The following NAALADL2 variants were observed in gnomAD, a reference collection of about 807,000 sequenced individuals.
The protein encoded by NAALADL2 is N-acetylated alpha-linked acidic dipeptidase like 2.
Under a neutral mutation model 87.2 loss-of-function variants are expected in NAALADL2, and 76 were observed. The ratio of observed to expected loss-of-function variants is 0.87; its 90% CI spans 0.72 to 1.05. The LOEUF is 1.05. NAALADL2 is among the 50% of genes least tolerant of loss of function. The pLI is 0.00. For missense variants in NAALADL2, 1,089 were observed against 945.8 expected (o/e 1.15, Z -1.99); for synonymous variants, 354 against 331.0 (o/e 1.07, Z -0.75).
intron 1 of NAALADL2, among the ~76,000 whole-genome samples, chr3:174,508,117 T>TTTTTTTTTTTGTTTG (rs1465875532): frequency 2.8e-4 from 39 of 140,868 alleles, no homozygotes; most frequent in Non-Finnish European, 4.2e-4. Context: ...TCTAGTGGTT[T>TTTTTTTTTTTGTTTG]TTTTTTTTTT....
intron 1 of NAALADL2, among the ~76,000 whole-genome samples, chr3:174,906,489 A>G (rs1460249994): frequency 6.6e-6 from 1 of 152,234 alleles, no homozygotes; most frequent in Middle Eastern, 3.4e-3. Context: ...AGGGAAGTCA[A>G]GTGTATGTTG....
chr3:175,573,884 A>T (rs941236924), intron 9 of NAALADL2, among the ~76,000 whole-genome samples: 2 of 150,050 alleles, frequency 1.3e-5, no homozygotes, highest in East Asian at 1.9e-4. Flanking sequence ...TGGTAAAAAC[A>T]TTCTTTTTCT....
intron 1 of NAALADL2, among the ~76,000 whole-genome samples, chr3:174,886,940 A>G (rs565781021): frequency 6.8e-4 from 103 of 152,348 alleles, no homozygotes; most frequent in Admixed American, 1.4e-3. Context: ...CAGTAAGCAA[A>G]GAAGTAAATC....
intron 3 of NAALADL2, among the ~76,000 whole-genome samples, chr3:174,837,172 C>G (rs1162389213): frequency 6.6e-6 from 1 of 150,486 alleles, no homozygotes; most frequent in Non-Finnish European, 1.5e-5. Flanking sequence ...GAAATTGAAA[C>G]AAAAAAAATA....
chr3:174,754,068 A>G (rs1216923140), intron 3 of NAALADL2, among the ~76,000 whole-genome samples: 3 of 152,214 alleles, frequency 2.0e-5, no homozygotes, highest in Admixed American at 6.5e-5. Flanking sequence ...AAACCCACCC[A>G]GTCTATGGTA....
intron 10 of NAALADL2, among the ~76,000 whole-genome samples, chr3:175,610,952 T>C (rs1724563696): frequency 6.6e-6 from 1 of 152,010 alleles, no homozygotes; most frequent in Non-Finnish European, 1.5e-5. Context: ...ATAATAACAA[T>C]ATACAATAGC....
chr3:175,093,897 T>C (rs1052610120), intron 1 of NAALADL2, among the ~76,000 whole-genome samples: 5 of 151,970 alleles, frequency 3.3e-5, no homozygotes, highest in African/African-American at 1.2e-4. Context: ...CTCTGTCTGA[T>C]GTTTGAAGAC....
Position 175,174,041 on chromosome 3 carries a change from C to T in NAALADL2, c.546-59890C>T, listed in dbSNP as rs554323257. ...TGGGATATTATTTTATTATTGTACCCTCAATCATCCTTAAAAACTTAGAAC... is the reference window on the plus strand; with the variant it reads ...TGGGATATTATTTTATTATTGTACCTTCAATCATCCTTAAAAACTTAGAAC... On this transcript the variant is annotated intron_variant, in intron 2 of 13. Transcript: ENST00000454872. Among the ~76,000 whole-genome samples the T allele has an allele frequency of 5.9e-5, 9 of 151,988 alleles. No homozygotes were observed. The South Asian group carries it at 1.0e-3, about 18-fold the overall frequency.
At position 175,803,243 on chromosome 3, in the gene NAALADL2, A is replaced by C; in HGVS notation, c.*40A>C. 6.8e-7 allele frequency: 1 copy of C among 1,476,492 alleles called. No homozygotes were observed. Among genetic ancestry groups the C allele is most frequent in the Non-Finnish European group, 9.2e-7 (1 of 1,087,280 alleles). The allele number at this position is 1,476,492 out of a possible 1,614,324, so 91.5% of individuals were successfully genotyped here. ...TTTTTAAAAGTTTGTTTACAATTCCACAAGCAAAAGCTCTAATTTAACCAG... is the reference window on the plus strand; with the variant it reads ...TTTTTAAAAGTTTGTTTACAATTCCCCAAGCAAAAGCTCTAATTTAACCAG... On this transcript the variant is annotated 3_prime_UTR_variant, in exon 14 of 14. Transcript: ENST00000454872.
intron 2 of NAALADL2, among the ~76,000 whole-genome samples, chr3:174,695,897 A>G (rs1341419446): frequency 2.6e-5 from 4 of 151,988 alleles, no homozygotes; most frequent in Non-Finnish European, 5.9e-5. Context: ...GAAATATTTG[A>G]GCAGATTTTT....
Position 174,478,037 on chromosome 3 carries a change from C to T in NAALADL2, c.-184+37005C>T, listed in dbSNP as rs115327289. 1.9e-3 allele frequency among the ~76,000 whole-genome samples: 288 copies of T among 152,180 alleles called. 1 individual carries two copies. Among genetic ancestry groups the T allele is most frequent in the African/African-American group, 6.6e-3 (276 of 41,550 alleles). On this transcript the variant is annotated intron_variant, in intron 1 of 3. Transcript: ENST00000434257. ...TTAGTCAAAAAGAAAAATACCAATA[C>T]TCAGTTGTTGGTTTTTTAAGGTAAC...
chr3:175,230,341 A>G (rs1348195718), intron 2 of NAALADL2, among the ~76,000 whole-genome samples: 2 of 152,106 alleles, frequency 1.3e-5, no homozygotes, highest in Admixed American at 1.3e-4. Flanking sequence ...TTTGCTTATC[A>G]TAAGACAATA....
At chr3:174,881,266 CCCTT>C in intron 1 of NAALADL2, among the ~76,000 whole-genome samples, 1 of 152,166 alleles carries the variant, frequency 6.6e-6, no homozygotes, top group East Asian at 1.9e-4. Context: ...ATTGCAATCT[CCCTT>C]CTCCACTCTA....
chr3:175,758,172 T>A (rs1171604482), intron 13 of NAALADL2, among the ~76,000 whole-genome samples: 8 of 152,064 alleles, frequency 5.3e-5, no homozygotes, highest in Admixed American at 3.9e-4. Flanking sequence ...AAACACATCA[T>A]TTTATTCATG....
At chr3:174,826,126 G>C (rs184097944) in intron 3 of NAALADL2, among the ~76,000 whole-genome samples, 10 of 152,270 alleles carry the variant, frequency 6.6e-5, no homozygotes, top group Non-Finnish European at 5.9e-5. Context: ...CATCTCTTTA[G>C]TCTTTTATGT....
chr3:175,341,136 TGTAC>T (rs1762530499), intron 5 of NAALADL2, among the ~76,000 whole-genome samples: 1 of 152,120 alleles, frequency 6.6e-6, no homozygotes, highest in Non-Finnish European at 1.5e-5. Context: ...AAAGAAACTC[TGTAC>T]GCATTAGCAG....
intron 11 of NAALADL2, among the ~76,000 whole-genome samples, chr3:175,691,627 G>A (rs1737058770): frequency 6.6e-6 from 1 of 151,832 alleles, no homozygotes; most frequent in African/African-American, 2.4e-5. Flanking sequence ...ACTAATGGCT[G>A]TAGGAAATAT....
chr3:175,278,117 C>T (rs1753840323), intron 4 of NAALADL2, among the ~76,000 whole-genome samples: 1 of 152,146 alleles, frequency 6.6e-6, no homozygotes, highest in Admixed American at 6.5e-5. Flanking sequence ...CAAAGCGAGA[C>T]TCCGTCTCAA....
chr3:174,680,982 C>T (rs1727481427), intron 2 of NAALADL2, among the ~76,000 whole-genome samples: 1 of 152,180 alleles, frequency 6.6e-6, no homozygotes. Flanking sequence ...TCCTCCCCAG[C>T]CTCAACAGTA....
Sources: gnomAD v4.1 joint callset for allele counts (sites outside exome capture counted in the v4.1 genomes callset) on GRCh38, gnomAD v4.1.1 for gene constraint, MANE v1.5 for transcripts, NCBI Gene and HGNC (gene_info 2026-07-23, HGNC 2026-07-21) for gene names.